EPG5: variants seen among roughly 807,000 people sequenced by gnomAD.
The protein encoded by EPG5 is ectopic P granules protein 5 homolog.
In EPG5, 159 loss-of-function variants were observed where a neutral mutation model predicts 302.7. That is an observed-to-expected ratio of 0.53 (90% CI 0.46 to 0.60). The LOEUF is 0.60. EPG5 is among the 20% of genes least tolerant of loss of function. The pLI, the probability that EPG5 is intolerant of heterozygous loss-of-function variation, is 0.00. For missense variants in EPG5, 2,896 were observed against 3,092.4 expected (o/e 0.94, Z 1.51); for synonymous variants, 1,158 against 1,136.8 (o/e 1.02, Z -0.37).
rs1392756103 is a variant in EPG5 at position 45,848,064 on chromosome 18, T to TC, written c.*4402dup. 1 of 152,024 alleles carries TC rather than the reference T, an allele frequency of 6.6e-6. No homozygotes were observed. The highest frequency in any genetic ancestry group is 1.5e-5 in the Non-Finnish European group (1 of 68,012). The allele number at this position is 152,024 out of a possible 1,614,324, so 9.4% of individuals were successfully genotyped here. ...TGAAGGAAACCTCAAATACAGCTAC[T>TC]CCTGGACACTGATGCCCGAGGCATG... On this transcript the variant is annotated 3_prime_UTR_variant, in exon 44 of 44. Transcript: ENST00000282041.
intron 31 of EPG5, 122 bp from the exon 32 acceptor site, chr18:45,880,345 C>T: frequency 2.1e-6 from 2 of 968,144 alleles, no homozygotes; most frequent in Non-Finnish European, 2.9e-6. Context: ...AAAACAAACT[C>T]ACAGGGATAT....
intron 9 of EPG5, among the ~76,000 whole-genome samples, chr18:45,942,319 T>C (rs992287451): frequency 2.0e-5 from 3 of 151,916 alleles, no homozygotes; most frequent in South Asian, 2.1e-4. Flanking sequence ...ATAAATGAAT[T>C]AGGCCAGGCA....
intron 16 of EPG5, among the ~76,000 whole-genome samples, chr18:45,921,382 G>C (rs1446469140): frequency 6.6e-6 from 1 of 152,010 alleles, no homozygotes; most frequent in African/African-American, 2.4e-5. Flanking sequence ...AAATAGACTA[G>C]AAAAAAATTA....
At chr18:45,893,673 C>A (rs1430718258) in intron 27 of EPG5, among the ~76,000 whole-genome samples, 3 of 152,024 alleles carry the variant, frequency 2.0e-5, no homozygotes, top group African/African-American at 7.3e-5. Context: ...AAAGACAGTG[C>A]AACCATCCTT....
chr18:45,827,101 A>C, the EPG5 span, among the ~76,000 whole-genome samples: 1 of 152,148 alleles, frequency 6.6e-6, no homozygotes, highest in Non-Finnish European at 1.5e-5. Flanking sequence ...TTTTTAGTAG[A>C]GACAGAATTT....
Position 45,865,715 on chromosome 18 carries a change from T to C in EPG5, c.6666A>G (p.Gln2222=), listed in dbSNP as rs2048730766. ...KCQAFTHQMV[Q]FLSTLEQNGK... Reference sequence around the variant, plus strand: ...CATTTTGTTCCAGGGTGCTGAGGAATTGAACCATCTGATGAGTAAAAGCTT... The same window carrying C: ...CATTTTGTTCCAGGGTGCTGAGGAACTGAACCATCTGATGAGTAAAAGCTT... Residue 2222 remains glutamine, a synonymous_variant, in exon 39 of 44, where the codon CAA becomes CAG. Coordinates refer to ENST00000282041, the MANE Select transcript of EPG5 (RefSeq NM_020964.3). 4 of 1,612,906 alleles carry C rather than the reference T, an allele frequency of 2.5e-6. No homozygotes were observed. Among genetic ancestry groups the C allele is most frequent in the African/African-American group, 1.3e-5 (1 of 74,346 alleles).
chr18:45,947,747 C>T (rs185487847), intron 6 of EPG5, among the ~76,000 whole-genome samples: 2 of 152,180 alleles, frequency 1.3e-5, no homozygotes, highest in African/African-American at 4.8e-5. Context: ...CTCCATTGTC[C>T]CGTTCTCCTA....
intron 1 of EPG5, among the ~76,000 whole-genome samples, chr18:45,960,611 C>T (rs1170741855): frequency 6.6e-6 from 1 of 152,042 alleles, no homozygotes; most frequent in African/African-American, 2.4e-5. Context: ...GAAAAACATG[C>T]TTAACTATAC....
chr18:45,869,461 TAA>T (rs2048824036), intron 36 of EPG5, among the ~76,000 whole-genome samples: 1 of 152,202 alleles, frequency 6.6e-6, no homozygotes, highest in African/African-American at 2.4e-5. Flanking sequence ...GCCATTAGAA[TAA>T]AACTCCTAGA....
intron 43 of EPG5, among the ~76,000 whole-genome samples, chr18:45,853,190 C>G (rs536071839): frequency 1.6e-4 from 25 of 152,312 alleles, no homozygotes; most frequent in Middle Eastern, 3.4e-3. Flanking sequence ...GAAAGGAATT[C>G]TAGAGGAACC....
At chr18:45,831,036 C>T in the EPG5 span, among the ~76,000 whole-genome samples, 28 of 152,324 alleles carry the variant, frequency 1.8e-4, no homozygotes, top group Admixed American at 1.4e-3. Flanking sequence ...AGACTACTGA[C>T]GCCAGAGAGC....
intron 27 of EPG5, among the ~76,000 whole-genome samples, chr18:45,898,172 C>T (rs1230827628): frequency 3.3e-5 from 5 of 152,168 alleles, no homozygotes; most frequent in African/African-American, 4.8e-5. Flanking sequence ...GCAGCCTGGG[C>T]AACATGGCAA....
At chr18:45,934,589 G>A (rs2050475508) in intron 11 of EPG5, among the ~76,000 whole-genome samples, 1 of 152,318 alleles carries the variant, frequency 6.6e-6, no homozygotes, top group South Asian at 2.1e-4. Context: ...GTGTGTATTG[G>A]TATACTGTTT....
At chr18:45,879,998 T>C in intron 32 of EPG5, 77 bp downstream of exon 32, 1 of 1,449,918 alleles carries the variant, frequency 6.9e-7, no homozygotes, top group Non-Finnish European at 9.2e-7. Flanking sequence ...GCACAAGTTT[T>C]CCAACTGCTT....
chr18:45,826,054 C>T, the EPG5 span, among the ~76,000 whole-genome samples: 3 of 152,154 alleles, frequency 2.0e-5, no homozygotes, highest in East Asian at 5.8e-4. Flanking sequence ...CCCATTGCTG[C>T]GAGCATCCAG....
chr18:45,940,305 G>A (rs924279034), intron 9 of EPG5, among the ~76,000 whole-genome samples: 1 of 152,216 alleles, frequency 6.6e-6, no homozygotes, highest in East Asian at 1.9e-4. Context: ...AAACCAGATC[G>A]TGAGGGGCCC....
At chr18:45,905,899 G>A (rs184315498) in intron 24 of EPG5, among the ~76,000 whole-genome samples, 218 of 152,230 alleles carry the variant, frequency 1.4e-3, no homozygotes, top group African/African-American at 5.1e-3. Context: ...AAAAAGATGA[G>A]GATGGAACTG....
chr18:45,812,022 C>T, the EPG5 span, among the ~76,000 whole-genome samples: 757 of 152,256 alleles, frequency 5.0e-3, 7 homozygotes, highest in Middle Eastern at 0.024. Context: ...AAAACCCCAT[C>T]GTCTCAGCCC....
chr18:45,812,308 G>C, the EPG5 span, among the ~76,000 whole-genome samples: 2 of 152,172 alleles, frequency 1.3e-5, no homozygotes, highest in African/African-American at 4.8e-5. Context: ...CTCATGGGTA[G>C]GAAGAATCAA....
Sources: allele counts gnomAD v4.1 joint callset (sites outside exome capture counted in the v4.1 genomes callset), GRCh38; gene constraint gnomAD v4.1.1; transcripts MANE v1.5; gene names NCBI Gene and HGNC (gene_info 2026-07-23, HGNC 2026-07-21).